DEFB121: variants seen among roughly 807,000 people sequenced by gnomAD.
The protein encoded by DEFB121 is beta-defensin 121.
Under a neutral mutation model 2.5 loss-of-function variants are expected in DEFB121, and 5 were observed. That is an observed-to-expected ratio of 1.96 (90% CI 1.03 to 4.13). The LOEUF is 4.13. Among genes scored for constraint, DEFB121 ranks in the 30% most tolerant of loss-of-function variants. The pLI, the probability that DEFB121 is intolerant of heterozygous loss-of-function variation, is 0.00. For missense variants in DEFB121, 87 were observed against 85.0 expected (o/e 1.02, Z -0.09); for synonymous variants, 39 against 32.6 (o/e 1.20, Z -0.67).
chr20:31,414,689 G>A (rs1978755428), upstream of DEFB121, among the ~76,000 whole-genome samples: 1 of 152,174 alleles, frequency 6.6e-6, no homozygotes, highest in African/African-American at 2.4e-5. Flanking sequence ...TGATTGTCAG[G>A]AGCTGGGGAG....
chr20:31,409,893 C>T (rs1301937045), upstream of DEFB121, among the ~76,000 whole-genome samples: 2 of 152,042 alleles, frequency 1.3e-5, no homozygotes, highest in African/African-American at 2.4e-5. Context: ...TGACAAAAAA[C>T]AGATCAGTGG....
At chr20:31,417,229 C>T (rs1978831655), upstream of DEFB121, among the ~76,000 whole-genome samples, 1 of 152,076 alleles carries the variant, frequency 6.6e-6, no homozygotes, top group African/African-American at 2.4e-5. Context: ...CCTGTAATCT[C>T]AGGTACTTGG....
intron 1 of DEFB121, 82 bp downstream of exon 1, chr20:31,406,013 C>G: frequency 1.3e-6 from 2 of 1,517,650 alleles, no homozygotes; most frequent in Non-Finnish European, 1.8e-6. Flanking sequence ...ATTCTCCCAG[C>G]CCAACCTGTC....
At position 31,404,967 on chromosome 20, in the gene DEFB121, T is replaced by C. The variant is rs1021698242; in HGVS notation, c.177A>G (p.Val59=). ...TATTTGTGTCTGTTAATTTTGGTTT[T>C]ACAGGTACATACTTGGGATCCACAC... is the stretch of plus-strand genomic sequence containing the variant. ...KCCVDPKYVP[V]KPKLTDTNTS... The change falls in exon 2 of 2, where the codon GTA becomes GTG. Residue 59 remains valine (V), a synonymous_variant. Coordinates refer to ENST00000376314, the MANE Select transcript of DEFB121 (RefSeq NM_001011878.3). 6.2e-7 allele frequency: 1 copy of C among 1,613,690 alleles called. No homozygotes were observed. Among genetic ancestry groups the C allele is most frequent in the Non-Finnish European group, 8.5e-7 (1 of 1,179,890 alleles).
upstream of DEFB121, among the ~76,000 whole-genome samples, chr20:31,414,872 G>A (rs888330873): frequency 1.3e-5 from 2 of 152,144 alleles, no homozygotes; most frequent in Admixed American, 6.5e-5. Context: ...GCAACATAGC[G>A]AGACCTTGTC....
chr20:31,406,101 T>A lies in DEFB121; in HGVS notation c.52A>T (p.Thr18Ser), dbSNP rs756572750. The A allele has an allele frequency of 5.0e-6, 8 of 1,613,508 alleles. No individual in the cohort carries two copies. Among genetic ancestry groups the A allele is most frequent in the South Asian group, 1.1e-5 (1 of 91,078 alleles). ...LTVTLLLAQV[T>S]PVMKCWGKSG... ...TTCTGGAGATCCTGTTTACCTGGGG[T>A]GACCTGGGCCAGGAGCAGAGTAACA... Residue 18 changes from threonine (T) to serine (S), a missense_variant, in exon 1 of 2, where the codon ACC becomes TCC. Transcript: ENST00000376314.
chr20:31,406,220 T>C, upstream of DEFB121: 1 of 1,605,672 alleles, frequency 6.2e-7, no homozygotes, highest in Non-Finnish European at 8.5e-7. Flanking sequence ...GACTCCATTC[T>C]GGGCAGTCCA....
chr20:31,404,902 G>A lies in DEFB121; in HGVS notation c.*11C>T, dbSNP rs540826578. The A allele has an allele frequency of 4.5e-5, 73 of 1,613,228 alleles. 1 individual carries two copies. The South Asian group carries it at 7.5e-4, about 17-fold the overall frequency. ...CCCATGATGTTGAGACTCAAGGTTG[G>A]AAGAGAGGTGTCAGACTGCAGAAGT... On this transcript the variant is annotated 3_prime_UTR_variant, in exon 2 of 2. Coordinates refer to ENST00000376314, the MANE Select transcript of DEFB121 (RefSeq NM_001011878.3).
chr20:31,415,750 G>C (rs181699119), upstream of DEFB121, among the ~76,000 whole-genome samples: 153 of 152,248 alleles, frequency 1.0e-3, no homozygotes, highest in Non-Finnish European at 1.7e-3. Flanking sequence ...TCCAAGGCTT[G>C]AAGGAGAATA....
chr20:31,409,673 G>A (rs1444674086), upstream of DEFB121, among the ~76,000 whole-genome samples: 2 of 152,092 alleles, frequency 1.3e-5, no homozygotes, highest in African/African-American at 2.4e-5. Flanking sequence ...CCCGGGAGGC[G>A]GAGGTTGCAG....
upstream of DEFB121, among the ~76,000 whole-genome samples, chr20:31,409,625 C>T (rs993206079): frequency 2.9e-4 from 44 of 152,134 alleles, no homozygotes; most frequent in African/African-American, 1.0e-3. Context: ...CCTGTAATCC[C>T]AGCTACTTGG....
chr20:31,410,650 T>C (rs1334290177), upstream of DEFB121, among the ~76,000 whole-genome samples: 1 of 152,134 alleles, frequency 6.6e-6, no homozygotes, highest in Non-Finnish European at 1.5e-5. Flanking sequence ...CTAAAGATCA[T>C]TAGTAAGGTA....
chr20:31,408,890 G>T (rs1341435706), upstream of DEFB121, among the ~76,000 whole-genome samples: 4 of 151,964 alleles, frequency 2.6e-5, no homozygotes, highest in Non-Finnish European at 5.9e-5. Context: ...GCCATGTGGG[G>T]TGGTGAGCAA....
chr20:31,406,229 C>A (rs1978476952), upstream of DEFB121: 11 of 1,593,884 alleles, frequency 6.9e-6, no homozygotes, highest in East Asian at 2.5e-4. Context: ...CTGGGCAGTC[C>A]AGACTGGTAT....
At chr20:31,416,841 T>C (rs1235743048), upstream of DEFB121, among the ~76,000 whole-genome samples, 1 of 152,194 alleles carries the variant, frequency 6.6e-6, no homozygotes, top group Non-Finnish European at 1.5e-5. Context: ...TGGTCTTTTT[T>C]TTCCTAGGCT....
chr20:31,407,978 A>T (rs537444994), upstream of DEFB121, among the ~76,000 whole-genome samples: 1 of 152,262 alleles, frequency 6.6e-6, no homozygotes, highest in Admixed American at 6.5e-5. Flanking sequence ...AGGTTTCACC[A>T]TGTTGGCCAT....
chr20:31,406,685 G>C (rs1978492778), upstream of DEFB121, among the ~76,000 whole-genome samples: 1 of 152,118 alleles, frequency 6.6e-6, no homozygotes, highest in African/African-American at 2.4e-5. Context: ...TTCATGGAGT[G>C]GAATGAGCAG....
chr20:31,414,091 C>T (rs1208754246), upstream of DEFB121, among the ~76,000 whole-genome samples: 4 of 152,076 alleles, frequency 2.6e-5, no homozygotes, highest in Non-Finnish European at 4.4e-5. Context: ...CCTGTAATCC[C>T]AGCTACTCAG....
chr20:31,405,691 T>C lies in DEFB121; in HGVS notation c.58+404A>G, dbSNP rs569099424. 1.8e-4 allele frequency among the ~76,000 whole-genome samples: 27 copies of C among 152,248 alleles called. No homozygotes were observed. The South Asian group carries it at 5.6e-3, about 32-fold the overall frequency. On this transcript the variant is annotated intron_variant, in intron 1 of 1. Transcript: ENST00000376314. ...GATGATTTGAGGTTGCATTAAAAAGTGGAATCAGAATCCTCAAACAATCAG... is the reference window on the plus strand; with the variant it reads ...GATGATTTGAGGTTGCATTAAAAAGCGGAATCAGAATCCTCAAACAATCAG...
Sources: allele counts gnomAD v4.1 joint callset (sites outside exome capture counted in the v4.1 genomes callset), GRCh38; gene constraint gnomAD v4.1.1; transcripts MANE v1.5; gene names NCBI Gene and HGNC (gene_info 2026-07-23, HGNC 2026-07-21).